The following SGPP1 variants were observed in gnomAD, a reference collection of about 807,000 sequenced individuals.
The protein encoded by SGPP1 is hSPP1.
In SGPP1, 21 loss-of-function variants were observed where a neutral mutation model predicts 33.0. The observed-to-expected ratio is 0.64, with a 90% CI of 0.45 to 0.92. The LOEUF (loss-of-function observed/expected upper bound fraction) is 0.92. Ranked by LOEUF, SGPP1 falls within the 40% of genes least tolerant of loss-of-function variation. The probability of loss-of-function intolerance (pLI) is 0.00; values close to 1 mark genes in which losing one functional copy is unlikely to be tolerated. For missense variants in SGPP1, 543 were observed against 589.4 expected (o/e 0.92, Z 0.81); for synonymous variants, 239 against 241.2 (o/e 0.99, Z 0.08).
intron 1 of SGPP1, among the ~76,000 whole-genome samples, chr14:63,712,029 CAAA>C (rs61030675): frequency 1.1e-4 from 8 of 70,752 alleles, no homozygotes; most frequent in Admixed American, 1.7e-4. Flanking sequence ...GACTCCATCT[CAAA>C]AAAAAAAAAA....
intron 2 of SGPP1, 86 bp downstream of exon 2, chr14:63,698,483 G>A: frequency 1.5e-6 from 1 of 656,554 alleles, no homozygotes; most frequent in South Asian, 3.2e-5. Flanking sequence ...TTAGGCTTCA[G>A]GTAAGTTTGC....
Position 63,700,902 on chromosome 14 carries a change from G to A in SGPP1, c.685-2244C>T, listed in dbSNP as rs77236229. Among the ~76,000 whole-genome samples, 1,146 of 152,248 alleles carry A rather than the reference G, an allele frequency of 7.5e-3. 13 individuals carry two copies. The highest frequency in any genetic ancestry group is 0.026 in the African/African-American group (1,096 of 41,534). On this transcript the variant is annotated intron_variant, in intron 1 of 2. Transcript: ENST00000247225. ...TACATGTTGAGATGCATCACGAGACGGGCAAGCTTCCATCAGCCTAGGTCC... is the reference window on the plus strand; with the variant it reads ...TACATGTTGAGATGCATCACGAGACAGGCAAGCTTCCATCAGCCTAGGTCC...
rs1460311562 is a variant in SGPP1, at chr14:63,718,994, ATATATATATATATATATATATTTTTTTTT to A, written c.684+8238_684+8266del. Among the ~76,000 whole-genome samples the A allele has an allele frequency of 4.9e-3, 89 of 18,094 alleles. 3 individuals carry two copies. In the East Asian group the frequency reaches 0.057, roughly 12 times the overall value. The allele number at this position is 18,094 out of a possible 152,430, so 11.9% of individuals were successfully genotyped here. ...TGTATATACATATATATATATATAT[ATATATATATATATATATATATTTTTTTTT>A]TTTTTTTTTTTTTTTTTTTTTGACA... On this transcript the variant is annotated intron_variant, in intron 1 of 2. Coordinates refer to ENST00000247225, the MANE Select transcript of SGPP1 (RefSeq NM_030791.4).
chr14:63,712,972 G>C lies in SGPP1; in HGVS notation c.684+14289C>G, dbSNP rs572887728. Among the ~76,000 whole-genome samples, 49 of 148,460 alleles carry C rather than the reference G, an allele frequency of 3.3e-4. No individual in the cohort carries two copies. In the East Asian group the frequency reaches 7.1e-3, roughly 21 times the overall value. ...TCACCATGTTGCCCAAGCTGGTTTCGAGCTCCTGGGCTCAAGCAATCCACC... is the reference window on the plus strand; with the variant it reads ...TCACCATGTTGCCCAAGCTGGTTTCCAGCTCCTGGGCTCAAGCAATCCACC... On this transcript the variant is annotated intron_variant, in intron 1 of 2. Coordinates refer to ENST00000247225, the MANE Select transcript of SGPP1 (RefSeq NM_030791.4).
chr14:63,722,889 T>C (rs1212923248), intron 1 of SGPP1, among the ~76,000 whole-genome samples: 1 of 151,498 alleles, frequency 6.6e-6, no homozygotes, highest in East Asian at 1.9e-4. Flanking sequence ...GGAGGATCAC[T>C]TAAGCCTGGG....
intron 1 of SGPP1, among the ~76,000 whole-genome samples, chr14:63,724,859 G>T (rs1885845506): frequency 6.6e-6 from 1 of 150,932 alleles, no homozygotes; most frequent in Admixed American, 6.6e-5. Flanking sequence ...TCCAGCCTGG[G>T]CAACAGAGCG....
At chr14:63,697,862 G>A (rs1432761419) in intron 2 of SGPP1, among the ~76,000 whole-genome samples, 1 of 152,210 alleles carries the variant, frequency 6.6e-6, no homozygotes, top group Non-Finnish European at 1.5e-5. Flanking sequence ...TCGTATTTGT[G>A]TTTTGGAAAG....
chr14:63,695,782 ATGTTTG>A (rs1427022754), intron 2 of SGPP1, among the ~76,000 whole-genome samples: 14 of 152,078 alleles, frequency 9.2e-5, no homozygotes, highest in Non-Finnish European at 1.6e-4. Context: ...ATTATAGTAC[ATGTTTG>A]TAGTCCTAGA....
chr14:63,715,998 T>C (rs1885615977), intron 1 of SGPP1, among the ~76,000 whole-genome samples: 1 of 152,136 alleles, frequency 6.6e-6, no homozygotes, highest in Admixed American at 6.5e-5. Flanking sequence ...CTATCAAACC[T>C]AGAAGGATTT....
rs1159930118 is a variant in SGPP1, at chr14:63,713,692, A to G, written c.684+13569T>C. 1.3e-5 allele frequency among the ~76,000 whole-genome samples: 2 copies of G among 152,250 alleles called. 1 individual carries two copies. Among genetic ancestry groups the G allele is most frequent in the African/African-American group, 4.8e-5 (2 of 41,468 alleles). The stretch of plus-strand genomic sequence containing the variant: ...ATTTTTGGTTGTATGTGGGATAGCC[A>G]TATCATGTTAGGTGAAGTATTTTCT... On this transcript the variant is annotated intron_variant, in intron 1 of 2. Coordinates refer to ENST00000247225, the MANE Select transcript of SGPP1 (RefSeq NM_030791.4).
intron 2 of SGPP1, among the ~76,000 whole-genome samples, chr14:63,689,180 C>G (rs917132805): frequency 6.6e-6 from 1 of 152,146 alleles, no homozygotes; most frequent in African/African-American, 2.4e-5. Context: ...CACTTCCCAA[C>G]AAAAGAACTA....
At chr14:63,714,945 T>A (rs574268444) in intron 1 of SGPP1, among the ~76,000 whole-genome samples, 1 of 151,630 alleles carries the variant, frequency 6.6e-6, no homozygotes, top group African/African-American at 2.4e-5. Flanking sequence ...CCCAGGCTGG[T>A]ATCCTGAGCT....
At chr14:63,724,741 T>G (rs995383783) in intron 1 of SGPP1, among the ~76,000 whole-genome samples, 3 of 149,216 alleles carry the variant, frequency 2.0e-5, no homozygotes, top group Admixed American at 2.0e-4. Context: ...GGCGGCTAAT[T>G]TTTTGTATTT....
chr14:63,692,604 C>A (rs1180771165), intron 2 of SGPP1, among the ~76,000 whole-genome samples: 1 of 152,076 alleles, frequency 6.6e-6, no homozygotes, highest in Non-Finnish European at 1.5e-5. Flanking sequence ...CGCAAGCCAC[C>A]AGGCCTGGCT....
intron 2 of SGPP1, among the ~76,000 whole-genome samples, chr14:63,698,229 CTTGGTTTCTGTAGCCACA>C (rs1248670651): frequency 6.6e-6 from 1 of 152,146 alleles, no homozygotes; most frequent in African/African-American, 2.4e-5. Context: ...AGGAGCTCTC[CTTGGTTTCTGTAGCCACA>C]TTGCTGGTTT....
At position 63,709,300 on chromosome 14, in the gene SGPP1, G is replaced by C. The variant is rs541718711; in HGVS notation, c.685-10642C>G. On this transcript the variant is annotated intron_variant, in intron 1 of 2. Coordinates refer to ENST00000247225, the MANE Select transcript of SGPP1 (RefSeq NM_030791.4). ...GAGGCAGGAGAATCGCTTGAACCCA[G>C]GCGGCAGAGGTTGCAGTGAGCTGAA... is the stretch of plus-strand genomic sequence containing the variant. Among the ~76,000 whole-genome samples the C allele has an allele frequency of 6.6e-5, 10 of 151,934 alleles. No individual in the cohort carries two copies. In the East Asian group the frequency reaches 1.7e-3, roughly 26 times the overall value.
At chr14:63,691,686 T>C (rs752090331) in intron 2 of SGPP1, among the ~76,000 whole-genome samples, 1 of 152,166 alleles carries the variant, frequency 6.6e-6, no homozygotes, top group Non-Finnish European at 1.5e-5. Flanking sequence ...GAGATTATGA[T>C]TGAACTGAAG....
intron 1 of SGPP1, among the ~76,000 whole-genome samples, chr14:63,720,368 A>G (rs921558387): frequency 2.0e-5 from 3 of 152,182 alleles, no homozygotes; most frequent in African/African-American, 7.2e-5. Context: ...GAAGGAAGAA[A>G]GAGACGGAGG....
At chr14:63,710,620 A>G (rs933441064) in intron 1 of SGPP1, among the ~76,000 whole-genome samples, 6 of 152,202 alleles carry the variant, frequency 3.9e-5, no homozygotes, top group Non-Finnish European at 7.3e-5. Flanking sequence ...TTTTCTTTCT[A>G]TATTTCCGCT....
Sources: allele counts gnomAD v4.1 joint callset (sites outside exome capture counted in the v4.1 genomes callset), GRCh38; gene constraint gnomAD v4.1.1; transcripts MANE v1.5; gene names NCBI Gene and HGNC (gene_info 2026-07-23, HGNC 2026-07-21).